Variants in HRH2 observed in about 807,000 individuals in gnomAD.
The protein encoded by HRH2 is histamine H2 receptor.
A neutral mutation model predicts 20.1 loss-of-function variants in HRH2; 4 were observed. The ratio of observed to expected loss-of-function variants is 0.20; its 90% CI spans 0.10 to 0.45. The LOEUF is 0.45. Ranked by LOEUF, HRH2 falls within the 20% of genes least tolerant of loss-of-function variation. HRH2 has a pLI of 0.99. For synonymous variants in HRH2, 197 were observed against 200.7 expected, an observed-to-expected ratio of 0.98 and a Z score of 0.16; for missense variants, 250 against 461.6, an observed-to-expected ratio of 0.54 and a Z score of 4.20.
chr5:175,683,887 C>T lies in HRH2; in HGVS notation c.654C>T (p.His218=). Residue 218 remains histidine (H), a synonymous_variant, in exon 2 of 3, where the codon CAC becomes CAT. Coordinates refer to ENST00000636584, the MANE Select transcript of HRH2 (RefSeq NM_001367711.1). ...VARDQAKRIN[H]ISSWKAATIR... ...GGGATCAGGCCAAGAGGATCAATCA[C>T]ATTAGCTCCTGGAAGGCAGCCACCA... 10 of 1,614,188 alleles carry T rather than the reference C, an allele frequency of 6.2e-6. No homozygotes were observed. Among genetic ancestry groups the T allele is most frequent in the Non-Finnish European group, 8.5e-6 (10 of 1,180,044 alleles).
intron 1 of HRH2, 115 bp downstream of exon 1, chr5:175,658,270 C>A (rs1762625390): frequency 6.6e-6 from 1 of 152,226 alleles, no homozygotes; most frequent in East Asian, 1.9e-4. Flanking sequence ...GGATCCCCGG[C>A]GGCCGTCGTG....
chr5:175,673,984 C>T (rs139281524), intron 1 of HRH2, among the ~76,000 whole-genome samples: 11 of 152,252 alleles, frequency 7.2e-5, no homozygotes, highest in Non-Finnish European at 1.2e-4. Flanking sequence ...GGATTACAGA[C>T]GTGAGCCACC....
chr5:175,681,371 G>C lies in HRH2; in HGVS notation c.-525-1338G>C, dbSNP rs2113514424. Among the ~76,000 whole-genome samples the C allele has an allele frequency of 6.6e-6, 1 of 152,316 alleles. No homozygotes were observed. The highest frequency in any genetic ancestry group is 3.4e-3 in the Middle Eastern group (1 of 294). The stretch of plus-strand genomic sequence containing the variant: ...TGCAAACCGCTCCAGGCAAGAGCCT[G>C]GGAGAGGCTTAATTTATGTTTTATG... On this transcript the variant is annotated intron_variant, in intron 1 of 2. Transcript: ENST00000636584. This position sits in a 1 kb window ranked among gnomAD's most constrained non-coding sequence, Gnocchi z 4.3.
chr5:175,707,462 C>A (rs1403977387), intron 2 of HRH2, among the ~76,000 whole-genome samples: 1 of 152,102 alleles, frequency 6.6e-6, no homozygotes, highest in African/African-American at 2.4e-5. Flanking sequence ...AAACAAAAAT[C>A]GTGAATTGGA....
At chr5:175,676,131 A>G (rs1424025076) in intron 1 of HRH2, among the ~76,000 whole-genome samples, 2 of 152,222 alleles carry the variant, frequency 1.3e-5, no homozygotes, top group African/African-American at 4.8e-5. Flanking sequence ...GCACGTTTAC[A>G]CTTCCCAGAC....
chr5:175,699,317 G>A (rs534903356), intron 2 of HRH2, among the ~76,000 whole-genome samples: 3 of 152,278 alleles, frequency 2.0e-5, no homozygotes, highest in East Asian at 1.9e-4. Flanking sequence ...GAAAAGGGTC[G>A]CCTCCAATTT....
Position 175,664,394 on chromosome 5 carries a change from T to G in HRH2, c.-526+6239T>G, listed in dbSNP as rs114290002. ...CACCTGATAAGATTCCAGCATAGTG[T>G]GGAAAGCAGACAGGTGCATGGGAAT... On this transcript the variant is annotated intron_variant, in intron 1 of 2. Coordinates refer to ENST00000636584, the MANE Select transcript of HRH2 (RefSeq NM_001367711.1). Among the ~76,000 whole-genome samples, 52 of 152,190 alleles carry G rather than the reference T, an allele frequency of 3.4e-4. 1 individual carries two copies. The highest frequency in any genetic ancestry group is 1.3e-3 in the African/African-American group (52 of 41,532).
intron 1 of HRH2, among the ~76,000 whole-genome samples, chr5:175,670,972 G>T (rs1276479470): frequency 1.3e-5 from 2 of 152,378 alleles, no homozygotes. Context: ...CCCGGCAGGG[G>T]CCAACAGAGA....
rs549283981 is a variant in HRH2 at position 175,683,161 on chromosome 5, T to C, written c.-73T>C. ...GGAGCTTGGAGTCCAGTGGTTGGCA[T>C]AGTTGTCACATTGGGAGCAGAGAAG... On this transcript the variant is annotated 5_prime_UTR_variant, in exon 2 of 3. Transcript: ENST00000636584. The C allele has an allele frequency of 5.7e-4, 831 of 1,469,132 alleles. 14 individuals carry two copies. In the South Asian group the frequency reaches 9.8e-3, roughly 17 times the overall value. 91.0% of individuals were successfully genotyped at this position (1,469,132 alleles called of 1,614,324 possible).
chr5:175,699,002 A>AGGCCC (rs1292441851), intron 2 of HRH2, among the ~76,000 whole-genome samples: 1 of 152,222 alleles, frequency 6.6e-6, no homozygotes, highest in East Asian at 1.9e-4. Context: ...AGTCTCTTTC[A>AGGCCC]AAGCAGATCC....
intron 2 of HRH2, among the ~76,000 whole-genome samples, chr5:175,704,419 A>G (rs1326874968): frequency 6.6e-6 from 1 of 152,146 alleles, no homozygotes; most frequent in Non-Finnish European, 1.5e-5. Flanking sequence ...CAGAAAAAAA[A>G]ACACTGAGTA....
At position 175,677,725 on chromosome 5, in the gene HRH2, A is replaced by G. The variant is rs1755807007; in HGVS notation, c.-525-4984A>G. 6.6e-6 allele frequency among the ~76,000 whole-genome samples: 1 copy of G among 152,200 alleles called. No homozygotes were observed. ...GGTCGATGACAGGGGAAAAGTTCTGAGAACGAATAGCTCATGAGAATGAGG... is the reference window on the plus strand; with the variant it reads ...GGTCGATGACAGGGGAAAAGTTCTGGGAACGAATAGCTCATGAGAATGAGG... On this transcript the variant is annotated intron_variant, in intron 1 of 2. Coordinates refer to ENST00000636584, the MANE Select transcript of HRH2 (RefSeq NM_001367711.1). This position sits in a 1 kb window ranked among gnomAD's most constrained non-coding sequence, Gnocchi z 4.2.
At chr5:175,679,966 C>G (rs995382718) in intron 1 of HRH2, among the ~76,000 whole-genome samples, 4 of 152,182 alleles carry the variant, frequency 2.6e-5, no homozygotes, top group Non-Finnish European at 5.9e-5. Context: ...CTCTTTGAGC[C>G]TCAGTCTCCT....
At position 175,681,303 on chromosome 5, in the gene HRH2, G is replaced by A. The variant is rs753325994; in HGVS notation, c.-525-1406G>A. 1.3e-5 allele frequency among the ~76,000 whole-genome samples: 2 copies of A among 152,318 alleles called. No homozygotes were observed. The highest frequency in any genetic ancestry group is 6.5e-5 in the Admixed American group (1 of 15,296). ...TGATCGGGAACCCTGATCCCTGCAC[G>A]AACACAATCGTTGTGATTAAATGAT... On this transcript the variant is annotated intron_variant, in intron 1 of 2. Coordinates refer to ENST00000636584, the MANE Select transcript of HRH2 (RefSeq NM_001367711.1). The surrounding 1 kb of genome is among the most constrained non-coding windows in gnomAD (Gnocchi z 4.3).
chr5:175,692,870 G>A (rs754475090), intron 2 of HRH2, among the ~76,000 whole-genome samples: 3 of 152,196 alleles, frequency 2.0e-5, no homozygotes, highest in Non-Finnish European at 4.4e-5. Flanking sequence ...GGTGAGGAAC[G>A]TGTTTTTTAT....
chr5:175,675,687 T>C (rs1755732473), intron 1 of HRH2, among the ~76,000 whole-genome samples: 2 of 152,218 alleles, frequency 1.3e-5, no homozygotes, highest in African/African-American at 4.8e-5. Context: ...CTCAGCCATA[T>C]GGCCCTGTCT....
Position 175,686,291 on chromosome 5 carries a change from G to A in HRH2, c.1076+1982G>A, listed in dbSNP as rs1353452238. The A allele has an allele frequency of 6.6e-6, 1 of 152,198 alleles. No homozygotes were observed. The highest frequency in any genetic ancestry group is 1.5e-5 in the Non-Finnish European group (1 of 68,038). The allele number at this position is 152,198 out of a possible 1,614,324, so 9.4% of individuals were successfully genotyped here. On this transcript the variant is annotated intron_variant, in intron 2 of 2. Coordinates refer to ENST00000636584, the MANE Select transcript of HRH2 (RefSeq NM_001367711.1). This position sits in a 1 kb window ranked among gnomAD's most constrained non-coding sequence, Gnocchi z 4.7. ...GTCTTGTATATCACTTTGTGCTGCCGTTACTTGTTTGAGCCCTGGGTTAAT... is the reference window on the plus strand; with the variant it reads ...GTCTTGTATATCACTTTGTGCTGCCATTACTTGTTTGAGCCCTGGGTTAAT...
chr5:175,672,008 C>T (rs1343056879), intron 1 of HRH2, among the ~76,000 whole-genome samples: 1 of 152,098 alleles, frequency 6.6e-6, no homozygotes, highest in Non-Finnish European at 1.5e-5. Context: ...GTTTTGTTTC[C>T]ACCCAGAGCT....
chr5:175,662,726 A>C (rs1762774296), intron 1 of HRH2, among the ~76,000 whole-genome samples: 1 of 152,216 alleles, frequency 6.6e-6, no homozygotes, highest in Non-Finnish European at 1.5e-5. Flanking sequence ...CATAATTTTT[A>C]GGATATTCAC....
Sources: gnomAD v4.1 joint callset for allele counts (sites outside exome capture counted in the v4.1 genomes callset) on GRCh38, gnomAD v4.1.1 for gene constraint, Gnocchi (gnomAD v3.1) non-coding constraint, MANE v1.5 for transcripts, NCBI Gene and HGNC (gene_info 2026-07-23, HGNC 2026-07-21) for gene names.